FUT9: variants seen among roughly 807,000 people sequenced by gnomAD.
The protein encoded by FUT9 is 4-galactosyl-N-acetylglucosaminide 3-alpha-L-fucosyltransferase 9.
A neutral mutation model predicts 29.7 loss-of-function variants in FUT9; 15 were observed. The observed-to-expected ratio is 0.51, with a 90% CI of 0.34 to 0.78. The LOEUF is 0.78. Ranked by LOEUF, FUT9 falls within the 30% of genes least tolerant of loss-of-function variation. FUT9 has a pLI of 0.01. For missense variants in FUT9, 319 were observed against 425.4 expected (o/e 0.75, Z 2.20); for synonymous variants, 169 against 153.7 (o/e 1.10, Z -0.74).
At chr6:96,119,193 C>CA (rs34119374) in intron 2 of FUT9, among the ~76,000 whole-genome samples, 1 of 152,194 alleles carries the variant, frequency 6.6e-6, no homozygotes, top group Non-Finnish European at 1.5e-5. Flanking sequence ...CTGACTCACC[C>CA]AGTGCAACTT....
At chr6:96,116,372 A>G (rs764727720) in intron 2 of FUT9, among the ~76,000 whole-genome samples, 1 of 152,214 alleles carries the variant, frequency 6.6e-6, no homozygotes, top group Non-Finnish European at 1.5e-5. Context: ...GGAATGTACA[A>G]GTTTCCTATG....
intron 2 of FUT9, among the ~76,000 whole-genome samples, chr6:96,170,274 G>T (rs1773087253): frequency 6.6e-6 from 1 of 152,040 alleles, no homozygotes; most frequent in African/African-American, 2.4e-5. Context: ...TGCACAGTAG[G>T]TCAAATCGAT....
chr6:96,177,112 C>A (rs1773218701), intron 2 of FUT9, among the ~76,000 whole-genome samples: 1 of 152,112 alleles, frequency 6.6e-6, no homozygotes, highest in African/African-American at 2.4e-5. Context: ...ATGTGATACT[C>A]CTCACTTAGA....
At chr6:96,100,901 G>T (rs1248913541) in intron 1 of FUT9, among the ~76,000 whole-genome samples, 2 of 152,136 alleles carry the variant, frequency 1.3e-5, no homozygotes, top group Admixed American at 1.3e-4. Context: ...GGAAGGGAAA[G>T]ATACATTAAA....
intron 2 of FUT9, among the ~76,000 whole-genome samples, chr6:96,180,021 GATGGTT>G (rs1323445865): frequency 6.6e-6 from 1 of 152,084 alleles, no homozygotes; most frequent in Non-Finnish European, 1.5e-5. Context: ...CCTATTGCTC[GATGGTT>G]AAGTAACTAG....
At chr6:96,199,083 G>C (rs112853578) in intron 2 of FUT9, among the ~76,000 whole-genome samples, 217 of 152,216 alleles carry the variant, frequency 1.4e-3, no homozygotes, top group Non-Finnish European at 2.6e-3. Flanking sequence ...TTCTCTCATA[G>C]TACTTGAAAC....
Position 96,083,657 on chromosome 6 carries a change from G to A in FUT9, c.-97-30382G>A, listed in dbSNP as rs183755059. On this transcript the variant is annotated intron_variant, in intron 1 of 2. Coordinates refer to ENST00000302103, the MANE Select transcript of FUT9 (RefSeq NM_006581.4). ...TCCATTCCATTGTCAAGTACAGTTC[G>A]TCATACTGAACTAAGCTCTGCTTCT... 2.6e-5 allele frequency among the ~76,000 whole-genome samples: 4 copies of A among 151,980 alleles called. No homozygotes were observed. The East Asian group carries it at 5.8e-4, about 22-fold the overall frequency.
At chr6:96,149,590 T>C (rs1223628854) in intron 2 of FUT9, among the ~76,000 whole-genome samples, 1 of 152,180 alleles carries the variant, frequency 6.6e-6, no homozygotes, top group Non-Finnish European at 1.5e-5. Context: ...TTATTTGTAA[T>C]TGTCAGCAGA....
intron 2 of FUT9, among the ~76,000 whole-genome samples, chr6:96,180,185 C>T (rs190632695): frequency 2.6e-5 from 4 of 152,188 alleles, no homozygotes; most frequent in East Asian, 3.9e-4. Flanking sequence ...CAATTTTTCC[C>T]GGTCATGTTT....
intron 1 of FUT9, among the ~76,000 whole-genome samples, chr6:96,064,844 C>T (rs964481661): frequency 1.3e-5 from 2 of 152,022 alleles, no homozygotes; most frequent in Admixed American, 6.6e-5. Context: ...AACTGAATGT[C>T]GAAGAAATCT....
At chr6:96,092,625 G>A (rs1771429484) in intron 1 of FUT9, among the ~76,000 whole-genome samples, 2 of 152,010 alleles carry the variant, frequency 1.3e-5, no homozygotes, top group African/African-American at 4.8e-5. Flanking sequence ...ACTCACAATC[G>A]AGACTTTGCA....
At chr6:96,110,384 A>C (rs1252546082) in intron 1 of FUT9, among the ~76,000 whole-genome samples, 1 of 152,186 alleles carries the variant, frequency 6.6e-6, no homozygotes, top group Non-Finnish European at 1.5e-5. Context: ...TTGGGATTGC[A>C]AAGTGAATCT....
chr6:96,099,612 A>T (rs1263760400), intron 1 of FUT9, among the ~76,000 whole-genome samples: 1 of 152,156 alleles, frequency 6.6e-6, no homozygotes, highest in African/African-American at 2.4e-5. Flanking sequence ...ATATTTATGC[A>T]ATCTTCTATA....
chr6:96,063,477 G>C (rs2127945042), intron 1 of FUT9, among the ~76,000 whole-genome samples: 1 of 152,196 alleles, frequency 6.6e-6, no homozygotes, highest in South Asian at 2.1e-4. Flanking sequence ...TGAAAGCTCG[G>C]TTATTACCAA....
At chr6:96,164,640 T>G (rs1772980591) in intron 2 of FUT9, among the ~76,000 whole-genome samples, 1 of 152,170 alleles carries the variant, frequency 6.6e-6, no homozygotes, top group African/African-American at 2.4e-5. Flanking sequence ...GATCGCAGTT[T>G]TAATGTTAAT....
intron 2 of FUT9, among the ~76,000 whole-genome samples, chr6:96,119,893 A>G (rs1771988732): frequency 1.3e-5 from 2 of 152,144 alleles, no homozygotes; most frequent in African/African-American, 4.8e-5. Flanking sequence ...TATTTGAGGA[A>G]CTTCTTGAAT....
chr6:96,141,159 A>G (rs1772454753), intron 2 of FUT9, among the ~76,000 whole-genome samples: 1 of 152,210 alleles, frequency 6.6e-6, no homozygotes, highest in Admixed American at 6.5e-5. Flanking sequence ...TATGGAAGCT[A>G]TCCTTTAATG....
At chr6:96,074,624 AT>A (rs1037856043) in intron 1 of FUT9, among the ~76,000 whole-genome samples, 1 of 152,178 alleles carries the variant, frequency 6.6e-6, no homozygotes, top group Non-Finnish European at 1.5e-5. Context: ...AGGTTCAAAA[AT>A]AAGGTCATTT....
At chr6:96,172,434 G>A (rs1465644646) in intron 2 of FUT9, among the ~76,000 whole-genome samples, 1 of 151,814 alleles carries the variant, frequency 6.6e-6, no homozygotes, top group Admixed American at 6.6e-5. Flanking sequence ...ATTCTACATG[G>A]GTCTGAATAC....
Sources: gnomAD v4.1 joint callset for allele counts (sites outside exome capture counted in the v4.1 genomes callset) on GRCh38, gnomAD v4.1.1 for gene constraint, MANE v1.5 for transcripts, NCBI Gene and HGNC (gene_info 2026-07-23, HGNC 2026-07-21) for gene names.